The following SGCG variants were observed in gnomAD, a reference collection of about 807,000 sequenced individuals.
The protein encoded by SGCG is gamma-sarcoglycan.
A neutral mutation model predicts 29.3 loss-of-function variants in SGCG; 26 were observed. That is an observed-to-expected ratio of 0.89 (90% CI 0.65 to 1.23). The LOEUF is 1.23. Ranked by LOEUF, SGCG falls within the 50% of genes most tolerant of loss-of-function variation. The pLI is 0.00. For synonymous variants in SGCG, 145 were observed against 129.7 expected, an observed-to-expected ratio of 1.12 and a Z score of -0.80; for missense variants, 353 against 356.0, an observed-to-expected ratio of 0.99 and a Z score of 0.07.
chr13:23,300,815 A>G (rs1438892179), intron 6 of SGCG, among the ~76,000 whole-genome samples: 3 of 99,318 alleles, frequency 3.0e-5, no homozygotes, highest in Non-Finnish European at 8.1e-5. Flanking sequence ...TTACTAAAAA[A>G]AAAAAAAAAA....
intron 6 of SGCG, among the ~76,000 whole-genome samples, chr13:23,315,366 C>T (rs911790724): frequency 8.5e-5 from 13 of 152,122 alleles, no homozygotes; most frequent in African/African-American, 3.1e-4. Context: ...GGTATATATG[C>T]GATCGTGCTC....
chr13:23,233,328 T>C (rs1879180520), intron 2 of SGCG, among the ~76,000 whole-genome samples: 1 of 152,200 alleles, frequency 6.6e-6, no homozygotes, highest in African/African-American at 2.4e-5. Context: ...AAGATAAATA[T>C]GATATGATTC....
intron 2 of SGCG, among the ~76,000 whole-genome samples, chr13:23,209,517 C>A (rs893415713): frequency 2.6e-5 from 4 of 152,150 alleles, no homozygotes; most frequent in Admixed American, 2.0e-4. Flanking sequence ...TTAACATAAT[C>A]ATTTGAAAAG....
At chr13:23,320,284 C>T (rs567846344) in intron 6 of SGCG, among the ~76,000 whole-genome samples, 85 of 152,218 alleles carry the variant, frequency 5.6e-4, no homozygotes, top group African/African-American at 1.8e-3. Context: ...GGCAACATAA[C>T]GAAAATAATT....
At chr13:23,234,458 A>G (rs1180532660) in intron 2 of SGCG, among the ~76,000 whole-genome samples, 153 bp from the exon 3 acceptor site, 1 of 143,474 alleles carries the variant, frequency 7.0e-6, no homozygotes, top group Non-Finnish European at 1.5e-5. Context: ...TGAATATTCA[A>G]TTAAAGATGC....
chr13:23,215,883 C>T (rs1283652506), intron 2 of SGCG, among the ~76,000 whole-genome samples: 13 of 151,530 alleles, frequency 8.6e-5, no homozygotes, highest in African/African-American at 2.4e-4. Flanking sequence ...CTATACATAA[C>T]GGCCAAATGT....
At chr13:23,212,467 T>TGA (rs1262825570) in intron 2 of SGCG, among the ~76,000 whole-genome samples, 1 of 152,156 alleles carries the variant, frequency 6.6e-6, no homozygotes, top group African/African-American at 2.4e-5. Context: ...ACTTATGCTC[T>TGA]GTAAGTATTT....
At chr13:23,304,735 C>G (rs572622084) in intron 6 of SGCG, among the ~76,000 whole-genome samples, 1 of 152,108 alleles carries the variant, frequency 6.6e-6, no homozygotes, top group Non-Finnish European at 1.5e-5. Flanking sequence ...TCCTGAGTAG[C>G]TGGTATTACA....
At position 23,284,077 on chromosome 13, in the gene SGCG, T is replaced by C. The variant is rs1031889785; in HGVS notation, c.505+4599T>C. On this transcript the variant is annotated intron_variant, in intron 5 of 7. Transcript: ENST00000218867. Reference sequence around the variant, plus strand: ...TCAACCTTGGTGAATCTGACAATTATGTGTCTTGGGGTTGCTCTTCTTGAG... The same window carrying C: ...TCAACCTTGGTGAATCTGACAATTACGTGTCTTGGGGTTGCTCTTCTTGAG... Among the ~76,000 whole-genome samples the C allele has an allele frequency of 2.6e-5, 4 of 152,214 alleles. No homozygotes were observed. The East Asian group carries it at 5.8e-4, about 22-fold the overall frequency.
chr13:23,223,733 T>C (rs4238165), intron 2 of SGCG, among the ~76,000 whole-genome samples: 90,242 of 151,570 alleles, frequency 0.6, 27,576 homozygotes, highest in East Asian at 0.86. Flanking sequence ...TTTGGGAGGC[T>C]GAGGAGGGCA....
At chr13:23,294,002 A>G (rs931305847) in intron 5 of SGCG, among the ~76,000 whole-genome samples, 3 of 152,222 alleles carry the variant, frequency 2.0e-5, no homozygotes, top group African/African-American at 7.2e-5. Flanking sequence ...TTGTTTCATT[A>G]TAGAAGCTCC....
intron 2 of SGCG, among the ~76,000 whole-genome samples, chr13:23,228,903 C>A (rs764139656): frequency 6.6e-6 from 1 of 152,154 alleles, no homozygotes; most frequent in Non-Finnish European, 1.5e-5. Flanking sequence ...CAGGGTCCTG[C>A]CCTGTCACCC....
intron 4 of SGCG, among the ~76,000 whole-genome samples, chr13:23,272,195 T>C (rs1183366190): frequency 6.6e-6 from 1 of 152,218 alleles, no homozygotes; most frequent in African/African-American, 2.4e-5. Context: ...CAATGTTGAG[T>C]AGCAGTGGAC....
intron 3 of SGCG, among the ~76,000 whole-genome samples, chr13:23,247,991 T>C (rs55913462): frequency 0.16 from 21,818 of 138,204 alleles, 1,676 homozygotes; most frequent in East Asian, 0.27. Flanking sequence ...TAACAAAAAA[T>C]AGGCCAGATG....
intron 5 of SGCG, among the ~76,000 whole-genome samples, chr13:23,280,057 C>A (rs1160518654): frequency 2.6e-5 from 4 of 151,968 alleles, no homozygotes; most frequent in African/African-American, 7.2e-5. Context: ...TTGGAGTAAC[C>A]CACAGACTCA....
At chr13:23,184,098 A>G (rs512444) in intron 1 of SGCG, among the ~76,000 whole-genome samples, 110,467 of 152,134 alleles carry the variant, frequency 0.73, 40,370 homozygotes, top group East Asian at 0.93. Flanking sequence ...TCATATCTCA[A>G]AGCAAAGGTG....
the SGCG span, among the ~76,000 whole-genome samples, chr13:23,166,701 A>G: frequency 1.3e-5 from 2 of 152,270 alleles, no homozygotes; most frequent in East Asian, 3.9e-4. Context: ...TCTGCTCTGC[A>G]CTTTTCATGG....
chr13:23,319,953 AGCCAGCTGAG>A (rs1450698301), intron 6 of SGCG, among the ~76,000 whole-genome samples: 1 of 152,222 alleles, frequency 6.6e-6, no homozygotes, highest in Admixed American at 6.5e-5. Context: ...CAAAACCAAA[AGCCAGCTGAG>A]GCCAACCTCC....
intron 6 of SGCG, among the ~76,000 whole-genome samples, chr13:23,298,783 C>T (rs2137650521): frequency 6.6e-6 from 1 of 152,264 alleles, no homozygotes; most frequent in East Asian, 1.9e-4. Context: ...TAATTCATCT[C>T]ATGTTATCCC....
Sources: allele counts gnomAD v4.1 joint callset (sites outside exome capture counted in the v4.1 genomes callset), GRCh38; gene constraint gnomAD v4.1.1; transcripts MANE v1.5; gene names NCBI Gene and HGNC (gene_info 2026-07-23, HGNC 2026-07-21).